Variants in TBXAS1 observed in about 807,000 individuals in gnomAD.
TBXAS1 encodes thromboxane-A synthase.
TBXAS1 carries 48 observed loss-of-function variants against 60.7 expected under a neutral mutation model. The observed-to-expected ratio is 0.79, with a 90% CI of 0.63 to 1.01. The LOEUF (loss-of-function observed/expected upper bound fraction) is 1.01, where lower values mean the gene tolerates loss of function less well. Among genes scored for constraint, TBXAS1 ranks in the 50% least tolerant of loss-of-function variants. TBXAS1 has a pLI of 0.00. For missense variants in TBXAS1, 685 were observed against 686.3 expected, an observed-to-expected ratio of 1.00 and a Z score of 0.02; for synonymous variants, 287 against 269.7, an observed-to-expected ratio of 1.06 and a Z score of -0.63.
At chr7:139,918,568 C>A (rs1195671629) in intron 4 of TBXAS1, among the ~76,000 whole-genome samples, 1 of 152,190 alleles carries the variant, frequency 6.6e-6, no homozygotes, top group Non-Finnish European at 1.5e-5. Flanking sequence ...CCCCCAGATT[C>A]CCTTCCCCGC....
intron 2 of TBXAS1, among the ~76,000 whole-genome samples, chr7:139,781,205 A>G (rs1796974499): frequency 6.6e-6 from 1 of 152,214 alleles, no homozygotes; most frequent in African/African-American, 2.4e-5. Flanking sequence ...GATATAACGG[A>G]AAAATATTCT....
chr7:139,917,974 GAAAT>G, intron 4 of TBXAS1, among the ~76,000 whole-genome samples: 1 of 152,302 alleles, frequency 6.6e-6, no homozygotes, highest in South Asian at 2.1e-4. Context: ...TGAGAATAGA[GAAAT>G]AAACCATAAA....
chr7:139,961,574 C>T (rs1006740448), intron 8 of TBXAS1, among the ~76,000 whole-genome samples: 2 of 152,184 alleles, frequency 1.3e-5, no homozygotes, highest in African/African-American at 4.8e-5. Context: ...TTTGCAGAAA[C>T]GAGAGCCACA....
chr7:139,971,249 C>T (rs1249720877), intron 9 of TBXAS1, among the ~76,000 whole-genome samples: 1 of 152,140 alleles, frequency 6.6e-6, no homozygotes, highest in East Asian at 1.9e-4. Context: ...ATCAGAAAGG[C>T]CCCTCCTCCC....
intron 4 of TBXAS1, among the ~76,000 whole-genome samples, chr7:139,809,984 C>T (rs1797985579): frequency 6.6e-6 from 1 of 152,118 alleles, no homozygotes; most frequent in African/African-American, 2.4e-5. Context: ...GACATCATTT[C>T]ATGTCCTGCA....
At chr7:139,811,047 C>T (rs1798011718) in intron 4 of TBXAS1, among the ~76,000 whole-genome samples, 1 of 152,160 alleles carries the variant, frequency 6.6e-6, no homozygotes, top group African/African-American at 2.4e-5. Context: ...ACACATCAGA[C>T]TGAAAAGCAA....
chr7:139,861,696 G>A (rs1800979605), intron 1 of TBXAS1, among the ~76,000 whole-genome samples: 1 of 152,164 alleles, frequency 6.6e-6, no homozygotes. Context: ...GGTAACACAT[G>A]CTATTTTTGT....
intron 5 of TBXAS1, among the ~76,000 whole-genome samples, chr7:139,937,983 C>A (rs1353008446): frequency 6.6e-6 from 1 of 152,098 alleles, no homozygotes; most frequent in Non-Finnish European, 1.5e-5. Flanking sequence ...AGTTTGGAAC[C>A]AACTGAGGTA....
chr7:139,845,522 T>C (rs1799741147), intron 1 of TBXAS1, among the ~76,000 whole-genome samples: 1 of 152,076 alleles, frequency 6.6e-6, no homozygotes, highest in South Asian at 2.1e-4. Context: ...ACCTTCCCTC[T>C]CTCTCATCAC....
chr7:139,873,842 G>A (rs916324388), intron 2 of TBXAS1, among the ~76,000 whole-genome samples: 4 of 152,132 alleles, frequency 2.6e-5, no homozygotes, highest in South Asian at 4.1e-4. Context: ...GCCAGGAGCC[G>A]GAACACCCTG....
intron 3 of TBXAS1, among the ~76,000 whole-genome samples, chr7:139,907,972 C>G (rs1164521225): frequency 6.6e-6 from 1 of 151,874 alleles, no homozygotes; most frequent in Non-Finnish European, 1.5e-5. Context: ...GACCCTTATC[C>G]TTTTAGTAGC....
chr7:139,989,979 C>T (rs765014939), intron 9 of TBXAS1, among the ~76,000 whole-genome samples: 2 of 152,208 alleles, frequency 1.3e-5, no homozygotes, highest in Non-Finnish European at 2.9e-5. Context: ...CTGTGAGCTC[C>T]TCCTTATGCA....
At chr7:139,954,800 G>A (rs982231114) in intron 6 of TBXAS1, among the ~76,000 whole-genome samples, 2 of 152,108 alleles carry the variant, frequency 1.3e-5, no homozygotes, top group East Asian at 1.9e-4. Context: ...CCTTCTGTTT[G>A]TTTCTAAAGC....
chr7:139,870,464 T>A (rs146407897), intron 1 of TBXAS1, among the ~76,000 whole-genome samples: 46 of 152,360 alleles, frequency 3.0e-4, no homozygotes, highest in African/African-American at 1.0e-3. Context: ...AGTGGGCTGG[T>A]AAGTTTCCTT....
intron 9 of TBXAS1, among the ~76,000 whole-genome samples, chr7:139,987,217 T>C (rs1367931497): frequency 6.6e-6 from 1 of 152,166 alleles, no homozygotes; most frequent in African/African-American, 2.4e-5. Flanking sequence ...CACAAGCTCC[T>C]TGGTGACTCC....
At chr7:139,834,216 T>G (rs1798910977) in intron 1 of TBXAS1, among the ~76,000 whole-genome samples, 1 of 152,172 alleles carries the variant, frequency 6.6e-6, no homozygotes, top group Non-Finnish European at 1.5e-5. Flanking sequence ...GAATGAGCAT[T>G]GGGTAAAAAA....
In TBXAS1 at chr7:139,838,370, G is replaced by A. The variant is rs1263776242; in HGVS notation, c.89+8891G>A. On this transcript the variant is annotated intron_variant, in intron 1 of 12. Coordinates refer to ENST00000448866, the MANE Select transcript of TBXAS1 (RefSeq NM_001061.7). ...AGTTGGTGCCTAACAAATGCTGACT[G>A]AAGGCTAATTCCAACCTCTAAGCTC... Among the ~76,000 whole-genome samples, 3 of 152,192 alleles carry A rather than the reference G, an allele frequency of 2.0e-5. No individual in the cohort carries two copies. In the East Asian group the frequency reaches 5.8e-4, roughly 29 times the overall value.
intron 3 of TBXAS1, among the ~76,000 whole-genome samples, chr7:139,783,504 A>G (rs776726915): frequency 9.9e-5 from 15 of 152,210 alleles, no homozygotes; most frequent in Non-Finnish European, 2.1e-4. Flanking sequence ...CCAACCCTGC[A>G]GAGAAATTTC....
At chr7:139,940,234 T>C (rs537875195) in intron 5 of TBXAS1, among the ~76,000 whole-genome samples, 1 of 152,252 alleles carries the variant, frequency 6.6e-6, no homozygotes, top group East Asian at 1.9e-4. Flanking sequence ...GGGCTGCTTC[T>C]GGGCTGTGGA....
Sources: allele counts gnomAD v4.1 joint callset (sites outside exome capture counted in the v4.1 genomes callset), GRCh38; gene constraint gnomAD v4.1.1; transcripts MANE v1.5; gene names NCBI Gene and HGNC (gene_info 2026-07-23, HGNC 2026-07-21).